ASCC2: variants seen among roughly 807,000 people sequenced by gnomAD.
ASCC2 encodes ASC-1 complex subunit P100.
Under a neutral mutation model 93.5 loss-of-function variants are expected in ASCC2, and 42 were observed. The observed-to-expected ratio is 0.45, with a 90% CI of 0.35 to 0.58. The LOEUF is 0.58. ASCC2 is among the 20% of genes least tolerant of loss of function. The pLI is 0.00. For synonymous variants in ASCC2, 364 were observed against 384.2 expected (o/e 0.95, Z 0.62); for missense variants, 859 against 977.6 (o/e 0.88, Z 1.62).
chr22:29,824,537 C>T (rs1356526017), intron 4 of ASCC2, among the ~76,000 whole-genome samples: 2 of 151,890 alleles, frequency 1.3e-5, no homozygotes, highest in South Asian at 2.1e-4. Context: ...ATCACTTGAG[C>T]CTGGGAGACT....
intron 6 of ASCC2, 34 bp from the exon 7 acceptor site, chr22:29,814,801 T>C (rs1198578801): frequency 5.1e-6 from 8 of 1,573,416 alleles, no homozygotes; most frequent in Middle Eastern, 3.3e-4. Context: ...TCTCACATCA[T>C]ACTGAACCAG....
rs1163014503 is a variant in ASCC2, at chr22:29,790,533, G to C, written c.2038C>G (p.Gln680Glu). Residue 680 changes from glutamine to glutamate, a missense_variant, in exon 19 of 20, where the codon CAG (glutamine) becomes GAG (glutamate). Transcript: ENST00000307790. Reference sequence around the variant, plus strand: ...TTCTCTCTCAGCACTGCAGGGTCCTGAACAAAATGGTCGGGCTGTGGAAAG... The same window carrying C: ...TTCTCTCTCAGCACTGCAGGGTCCTCAACAAAATGGTCGGGCTGTGGAAAG... Reference protein sequence around the residue: ...EEAPKPDHFVQDPAVLREKAE... With the variant: ...EEAPKPDHFVEDPAVLREKAE... 2 of 1,614,108 alleles carry C rather than the reference G, an allele frequency of 1.2e-6. No individual in the cohort carries two copies. Among genetic ancestry groups the C allele is most frequent in the Non-Finnish European group, 8.5e-7 (1 of 1,180,020 alleles).
intron 2 of ASCC2, among the ~76,000 whole-genome samples, chr22:29,828,647 T>A (rs1233943435): frequency 6.6e-6 from 1 of 152,124 alleles, no homozygotes; most frequent in Admixed American, 6.6e-5. Flanking sequence ...TAGGAGCTCA[T>A]CTAAGCTCTC....
In ASCC2 at chr22:29,825,443, G is replaced by A; in HGVS notation, c.240+179C>T. On this transcript the variant is annotated intron_variant, in intron 3 of 19. Transcript: ENST00000307790. This position sits in a 1 kb window ranked among gnomAD's most constrained non-coding sequence, Gnocchi z 4.9. The stretch of plus-strand genomic sequence containing the variant: ...GATTCTAAAATTGACACTTTGAAAG[G>A]TGTGTAAACATTAAGATTGTGATAC... The A allele has an allele frequency of 8.9e-7, 1 of 1,126,320 alleles. No homozygotes were observed. The highest frequency in any genetic ancestry group is 1.3e-6 in the Non-Finnish European group (1 of 789,150). 69.8% of individuals were successfully genotyped at this position (1,126,320 alleles called of 1,614,324 possible). A position where few individuals can be genotyped will look rare whatever the true frequency, so the allele number is the denominator to read the frequency against.
rs907173635 is a variant in ASCC2 at position 29,799,933 on chromosome 22, G to A, written c.1688+1058C>T. Among the ~76,000 whole-genome samples the A allele has an allele frequency of 1.2e-4, 18 of 152,116 alleles. 1 individual carries two copies. The highest frequency in any genetic ancestry group is 3.2e-3 in the Middle Eastern group (1 of 316). On this transcript the variant is annotated intron_variant, in intron 15 of 19. Transcript: ENST00000307790. The stretch of plus-strand genomic sequence containing the variant: ...CTCCAGAGTAGCTGGAACTATAGGC[G>A]TGTGCCAGCACACCCGGCTAATTTT...
rs938134788 is a variant in ASCC2, at chr22:29,811,928, G to A, written c.833+1502C>T. The stretch of plus-strand genomic sequence containing the variant: ...GTGATTTTAATTTCCTACTTTTCTG[G>A]ATTTTCCAAATGTTCTACAAGCACA... On this transcript the variant is annotated intron_variant, in intron 8 of 19. Coordinates refer to ENST00000307790, the MANE Select transcript of ASCC2 (RefSeq NM_032204.5). 2.0e-5 allele frequency among the ~76,000 whole-genome samples: 3 copies of A among 152,266 alleles called. No individual in the cohort carries two copies. The East Asian group carries it at 5.8e-4, about 29-fold the overall frequency.
At chr22:29,796,557 A>G (rs1023866358) in intron 15 of ASCC2, among the ~76,000 whole-genome samples, 4 of 152,172 alleles carry the variant, frequency 2.6e-5, no homozygotes, top group Non-Finnish European at 4.4e-5. Flanking sequence ...AGGAGCCCCA[A>G]GGTATGGCAG....
intron 1 of ASCC2, chr22:29,834,377 G>A: frequency 2.5e-6 from 1 of 401,336 alleles, no homozygotes; most frequent in Non-Finnish European, 5.1e-6. Flanking sequence ...GCAAGGAGGT[G>A]GAAACAGCCT....
chr22:29,791,509 G>A (rs895990253), intron 18 of ASCC2, among the ~76,000 whole-genome samples: 31 of 151,778 alleles, frequency 2.0e-4, no homozygotes, highest in African/African-American at 5.3e-4. Context: ...GTGAAACCCC[G>A]TCTTTACTGA....
chr22:29,810,877 C>T (rs1270100117), intron 8 of ASCC2, among the ~76,000 whole-genome samples: 5 of 152,080 alleles, frequency 3.3e-5, no homozygotes, highest in South Asian at 2.1e-4. Context: ...ATTACAGGTG[C>T]GTGCCACCAC....
intron 18 of ASCC2, 139 bp from the exon 19 acceptor site, chr22:29,790,687 G>T: frequency 1.2e-6 from 1 of 840,682 alleles, no homozygotes; most frequent in Non-Finnish European, 1.9e-6. Flanking sequence ...GCAGAGCGAC[G>T]CCCAGGAATG....
In ASCC2 at chr22:29,804,781, C is replaced by T. The variant is rs768299643; in HGVS notation, c.1210G>A (p.Glu404Lys). Residue 404 changes from glutamate (E) to lysine (K), a missense_variant, in exon 13 of 20, where the codon GAA becomes AAA. Physicochemically the swap from Glu to Lys is moderately conservative, Grantham distance 56. Coordinates refer to ENST00000307790, the MANE Select transcript of ASCC2 (RefSeq NM_032204.5). ...GTGGCTTTCCGTCTGTCCACCCCTT[C>T]CCATGCACTCTCGACTGCCTGGAGG... ...YILQAVESAW[E>K]GVDRRKATDA... 1.9e-5 allele frequency: 30 copies of T among 1,614,034 alleles called. No individual in the cohort carries two copies. Among genetic ancestry groups the T allele is most frequent in the Middle Eastern group, 3.3e-4 (2 of 6,084 alleles).
chr22:29,811,811 T>C (rs2060307818), intron 8 of ASCC2, among the ~76,000 whole-genome samples: 1 of 152,192 alleles, frequency 6.6e-6, no homozygotes, highest in South Asian at 2.1e-4. Flanking sequence ...CTGTGCCACA[T>C]TTGGGGAAAC....
chr22:29,827,097 CAAAA>C (rs58520896), intron 2 of ASCC2, among the ~76,000 whole-genome samples: 1 of 57,202 alleles, frequency 1.7e-5, no homozygotes, highest in East Asian at 4.8e-4. Flanking sequence ...GACTCCATCT[CAAAA>C]AAAAAAAAAA....
At chr22:29,806,603 G>A (rs1347880908) in intron 10 of ASCC2, 50 bp from the exon 11 acceptor site, 3 of 1,549,922 alleles carry the variant, frequency 1.9e-6, no homozygotes, top group Middle Eastern at 1.7e-4. Context: ...AAGATGAGCT[G>A]CAGCTCCTTT....
In ASCC2 at chr22:29,816,060, T is replaced by G. The variant is rs1341373063; in HGVS notation, c.555A>C (p.Thr185=). ...LLQKMIGNIF[T]QQPSYYSDLD... ...GGTCACTGTAGTAACTTGGCTGCTGTGTAAAGATGTTTCCTAAAAAGAGAA... is the reference window on the plus strand; with the variant it reads ...GGTCACTGTAGTAACTTGGCTGCTGGGTAAAGATGTTTCCTAAAAAGAGAA... The change falls in exon 6 of 20, where the codon ACA becomes ACC. Residue 185 remains threonine (T), a synonymous_variant. Transcript: ENST00000307790. The G allele has an allele frequency of 6.3e-7, 1 of 1,596,898 alleles. No homozygotes were observed. The highest frequency in any genetic ancestry group is 1.7e-5 in the Admixed American group (1 of 57,546).
intron 2 of ASCC2, among the ~76,000 whole-genome samples, chr22:29,827,757 GACACACACACAC>G (rs35763537): frequency 2.0e-5 from 2 of 100,988 alleles, no homozygotes; most frequent in Admixed American, 9.9e-5. Context: ...TCATTCTCCC[GACACACACACAC>G]ACACACACAC....
At chr22:29,834,294 T>A in intron 1 of ASCC2, 1 of 309,732 alleles carries the variant, frequency 3.2e-6, no homozygotes, top group Non-Finnish European at 6.5e-6. Flanking sequence ...TAGAGGAGAG[T>A]CTGAGTAGTC....
chr22:29,789,277 A>G, intron 19 of ASCC2, 93 bp from the exon 20 acceptor site: 1 of 1,460,426 alleles, frequency 6.8e-7, no homozygotes, highest in Non-Finnish European at 9.5e-7. Flanking sequence ...TCACTGGGAG[A>G]GGACACAGAC....
Sources: gnomAD v4.1 joint callset for allele counts (sites outside exome capture counted in the v4.1 genomes callset) on GRCh38, gnomAD v4.1.1 for gene constraint, Gnocchi (gnomAD v3.1) non-coding constraint, MANE v1.5 for transcripts, NCBI Gene and HGNC (gene_info 2026-07-23, HGNC 2026-07-21) for gene names.